Variants in BORCS5 observed in about 807,000 individuals in gnomAD.
BORCS5 encodes BLOC-1 related complex subunit 5, also known as BLOC-1-related complex subunit 5.
A neutral mutation model predicts 22.1 loss-of-function variants in BORCS5; 17 were observed. The observed-to-expected ratio is 0.77, with a 90% CI of 0.53 to 1.15. The LOEUF (loss-of-function observed/expected upper bound fraction) is 1.15. BORCS5 is among the 50% of genes most tolerant of loss of function. The pLI is 0.00. For missense variants in BORCS5, 247 were observed against 253.2 expected, an observed-to-expected ratio of 0.98 and a Z score of 0.17; for synonymous variants, 117 against 99.8, an observed-to-expected ratio of 1.17 and a Z score of -1.03.
chr12:12,390,910 A>G (rs1257227393), intron 2 of BORCS5, among the ~76,000 whole-genome samples: 1 of 151,998 alleles, frequency 6.6e-6, no homozygotes, highest in East Asian at 1.9e-4. Flanking sequence ...CCCGGCCTAA[A>G]CTGCCATTTT....
intron 2 of BORCS5, among the ~76,000 whole-genome samples, chr12:12,422,275 T>C (rs1181437943): frequency 6.9e-6 from 1 of 144,476 alleles, no homozygotes; most frequent in East Asian, 1.9e-4. Flanking sequence ...CAGCTTAGCT[T>C]TCTTTTCTTT....
intron 2 of BORCS5, among the ~76,000 whole-genome samples, chr12:12,426,243 A>G (rs1942284246): frequency 6.6e-6 from 1 of 152,206 alleles, no homozygotes; most frequent in Non-Finnish European, 1.5e-5. Flanking sequence ...TTGAACATTT[A>G]CTTAATAGGA....
intron 3 of BORCS5, among the ~76,000 whole-genome samples, chr12:12,436,858 G>A (rs900702656): frequency 6.6e-6 from 1 of 152,146 alleles, no homozygotes; most frequent in African/African-American, 2.4e-5. Context: ...CTATTATTTG[G>A]AAAACTATTA....
chr12:12,389,157 G>C (rs1328638903), intron 2 of BORCS5, among the ~76,000 whole-genome samples: 2 of 90,582 alleles, frequency 2.2e-5, no homozygotes, highest in African/African-American at 4.3e-5. Context: ...TTTTTTTTGA[G>C]ACGCATTTTC....
At chr12:12,412,925 T>TTTTTG (rs1491404903) in intron 2 of BORCS5, among the ~76,000 whole-genome samples, 2 of 110,492 alleles carry the variant, frequency 1.8e-5, no homozygotes. Flanking sequence ...TTTTTTTTTT[T>TTTTTG]ATTGATAATT....
Position 12,469,445 on chromosome 12 carries a change from C to T in BORCS5, c.*3669C>T, listed in dbSNP as rs1321434858. On this transcript the variant is annotated 3_prime_UTR_variant, in exon 4 of 4. Transcript: ENST00000314565. ...GCGTCTGTATATATGTTTCTGTATC[C>T]TGAGTATTTCTTTGCGGCTTCTTCA... The T allele has an allele frequency of 2.0e-5, 3 of 152,328 alleles. No individual in the cohort carries two copies. Among genetic ancestry groups the T allele is most frequent in the East Asian group, 3.9e-4 (2 of 5,188 alleles). The allele number at this position is 152,328 out of a possible 1,614,324, so 9.4% of individuals were successfully genotyped here.
chr12:12,444,851 A>G (rs897583015), intron 3 of BORCS5, among the ~76,000 whole-genome samples: 25 of 152,258 alleles, frequency 1.6e-4, no homozygotes, highest in Admixed American at 1.4e-3. Context: ...GGGTTGTCCA[A>G]TATTTTGGCT....
intron 2 of BORCS5, among the ~76,000 whole-genome samples, chr12:12,393,275 C>G (rs1941246013): frequency 6.6e-6 from 1 of 151,936 alleles, no homozygotes; most frequent in African/African-American, 2.4e-5. Flanking sequence ...ACAATGACTT[C>G]TATCACTCAA....
rs536870283 is a variant in BORCS5, at chr12:12,439,415, C to T, written c.360+3630C>T. 8.5e-5 allele frequency among the ~76,000 whole-genome samples: 13 copies of T among 152,094 alleles called. No individual in the cohort carries two copies. In the South Asian group the frequency reaches 2.7e-3, roughly 32 times the overall value. The stretch of plus-strand genomic sequence containing the variant: ...GGCCAAGGCAGGTGGATTGTTTGAG[C>T]CCAGGAGTTCAAGACCAGCCTGGGC... On this transcript the variant is annotated intron_variant, in intron 3 of 3. Coordinates refer to ENST00000314565, the MANE Select transcript of BORCS5 (RefSeq NM_058169.6).
chr12:12,387,778 CAGAT>C lies in BORCS5; in HGVS notation c.202+26432_202+26435del, dbSNP rs1190636334. Among the ~76,000 whole-genome samples the C allele has an allele frequency of 2.6e-5, 4 of 151,480 alleles. No homozygotes were observed. In the East Asian group the frequency reaches 7.7e-4, roughly 29 times the overall value. On this transcript the variant is annotated intron_variant, in intron 2 of 3. Coordinates refer to ENST00000314565, the MANE Select transcript of BORCS5 (RefSeq NM_058169.6). ...ACACCTCCCCCATCCTGTATTTCTG[CAGAT>C]AGTTTTTGGACCTTCAGTGAAAGAC...
At chr12:12,459,628 C>A (rs530513722) in intron 3 of BORCS5, among the ~76,000 whole-genome samples, 1 of 152,270 alleles carries the variant, frequency 6.6e-6, no homozygotes, top group African/African-American at 2.4e-5. Context: ...AAAGATTTTT[C>A]TCCTATATTT....
intron 2 of BORCS5, among the ~76,000 whole-genome samples, chr12:12,394,111 A>C (rs141113837): frequency 6.6e-6 from 1 of 151,994 alleles, no homozygotes; most frequent in East Asian, 1.9e-4. Flanking sequence ...GGATCACTTG[A>C]GGTCAGGAGT....
chr12:12,360,999 G>C (rs1412791644), intron 1 of BORCS5, among the ~76,000 whole-genome samples: 2 of 152,190 alleles, frequency 1.3e-5, no homozygotes, highest in African/African-American at 2.4e-5. Flanking sequence ...AAGATTACAT[G>C]CATGAGCCAC....
At chr12:12,368,945 A>G (rs938699401) in intron 2 of BORCS5, among the ~76,000 whole-genome samples, 11 of 152,300 alleles carry the variant, frequency 7.2e-5, no homozygotes, top group Admixed American at 3.9e-4. Flanking sequence ...GTGTTCTATA[A>G]ATATCACTTA....
rs1332397524 is a variant in BORCS5, at chr12:12,389,295, G to A, written c.202+27946G>A. Reference sequence around the variant, plus strand: ...TGGGATTACAGGCGCCCACCACCACGCCTGGCTAATTTTTATATTTTTAGT... The same window carrying A: ...TGGGATTACAGGCGCCCACCACCACACCTGGCTAATTTTTATATTTTTAGT... On this transcript the variant is annotated intron_variant, in intron 2 of 3. Transcript: ENST00000314565. 4.0e-5 allele frequency among the ~76,000 whole-genome samples: 6 copies of A among 149,916 alleles called. 1 individual carries two copies. The highest frequency in any genetic ancestry group is 2.0e-4 in the Admixed American group (3 of 15,034).
Position 12,361,303 on chromosome 12 carries a change from T to A in BORCS5, c.156T>A (p.Asp52Glu), listed in dbSNP as rs1281325059. Residue 52 changes from aspartate (D) to glutamate (E), a missense_variant, in exon 2 of 4, where the codon GAT (aspartate) becomes GAA (glutamate). By Grantham distance (45) the Asp-to-Glu change is conservative. Transcript: ENST00000314565. ...QASRNVSNDPDVIKLQEIPTF... is the reference protein window; with the variant it reads ...QASRNVSNDPEVIKLQEIPTF... ...CACGGAACGTCAGCAACGATCCCGA[T>A]GTCATCAAGTTGCAAGAGATTCCAA... The A allele has an allele frequency of 6.2e-7, 1 of 1,614,218 alleles. No individual in the cohort carries two copies. The highest frequency in any genetic ancestry group is 1.3e-5 in the African/African-American group (1 of 75,058).
chr12:12,414,692 C>A (rs1249466444), intron 2 of BORCS5, among the ~76,000 whole-genome samples: 2 of 120,742 alleles, frequency 1.7e-5, no homozygotes, highest in African/African-American at 3.4e-5. Context: ...GGGGGCTGAC[C>A]CCCCCCACCT....
chr12:12,440,458 C>T (rs1363911219), intron 3 of BORCS5, among the ~76,000 whole-genome samples: 1 of 152,030 alleles, frequency 6.6e-6, no homozygotes, highest in Non-Finnish European at 1.5e-5. Context: ...GAGAGTTTAG[C>T]CTCGCTGAGG....
rs145892614 is a variant in BORCS5 at position 12,427,469 on chromosome 12, C to T, written c.203-8159C>T. Among the ~76,000 whole-genome samples, 37 of 152,228 alleles carry T rather than the reference C, an allele frequency of 2.4e-4. No individual in the cohort carries two copies. In the South Asian group the frequency reaches 6.4e-3, roughly 26 times the overall value. On this transcript the variant is annotated intron_variant, in intron 2 of 3. Coordinates refer to ENST00000314565, the MANE Select transcript of BORCS5 (RefSeq NM_058169.6). ...TGCTGGGATTACAGGCGTGAGCCAC[C>T]GCGCCCGGCCAGACTTTCCCTTTCT...
Sources: gnomAD v4.1 joint callset for allele counts (sites outside exome capture counted in the v4.1 genomes callset) on GRCh38, gnomAD v4.1.1 for gene constraint, MANE v1.5 for transcripts, NCBI Gene and HGNC (gene_info 2026-07-23, HGNC 2026-07-21) for gene names.